The following ROCK1 variants were observed in gnomAD, a reference collection of about 807,000 sequenced individuals.
ROCK1 encodes the protein Rho associated coiled-coil containing protein kinase 1, also known as rho-associated protein kinase 1.
ROCK1 carries 36 observed loss-of-function variants against 196.8 expected under a neutral mutation model. That is an observed-to-expected ratio of 0.18 (90% confidence interval 0.14 to 0.24). The LOEUF (loss-of-function observed/expected upper bound fraction) is 0.24, where lower values mean the gene tolerates loss of function less well. Ranked by LOEUF, ROCK1 falls within the 10% of genes least tolerant of loss-of-function variation. ROCK1 has a pLI of 1.00. For missense variants in ROCK1, 920 were observed against 1,562.0 expected (o/e 0.59, Z 6.93); for synonymous variants, 443 against 515.9 (o/e 0.86, Z 1.91).
At chr18:20,974,033 G>A (rs2035455855) in intron 22 of ROCK1, among the ~76,000 whole-genome samples, 1 of 152,016 alleles carries the variant, frequency 6.6e-6, no homozygotes, top group African/African-American at 2.4e-5. Context: ...GCCTCCCAAA[G>A]TGCTGGGATT....
At chr18:21,079,697 C>A (rs2036466475) in intron 1 of ROCK1, among the ~76,000 whole-genome samples, 1 of 152,126 alleles carries the variant, frequency 6.6e-6, no homozygotes, top group African/African-American at 2.4e-5. Flanking sequence ...GGAACTACTC[C>A]CTGTGGGTTT....
chr18:20,972,967 C>T (rs1266479277), intron 22 of ROCK1, among the ~76,000 whole-genome samples: 1 of 152,174 alleles, frequency 6.6e-6, no homozygotes, highest in African/African-American at 2.4e-5. Context: ...GCAAACTCCG[C>T]CTCCTGGGTT....
Position 20,958,973 on chromosome 18 carries a change from A to T in ROCK1, c.3512+867T>A, listed in dbSNP as rs1178623027. Reference sequence around the variant, plus strand: ...ATATATATTTTATATAATATATATAATATATATATTTTATAAAAAATAATA... The same window carrying T: ...ATATATATTTTATATAATATATATATTATATATATTTTATAAAAAATAATA... On this transcript the variant is annotated intron_variant, in intron 29 of 32. Coordinates refer to ENST00000399799, the MANE Select transcript of ROCK1 (RefSeq NM_005406.3). Among the ~76,000 whole-genome samples the T allele has an allele frequency of 2.0e-4, 18 of 89,554 alleles. No individual in the cohort carries two copies. The East Asian group carries it at 4.0e-3, about 20-fold the overall frequency. The allele number at this position is 89,554 out of a possible 152,430, so 58.8% of individuals were successfully genotyped here.
chr18:20,979,756 CA>C (rs2035513669), intron 22 of ROCK1, among the ~76,000 whole-genome samples, 153 bp downstream of exon 22: 1 of 152,126 alleles, frequency 6.6e-6, no homozygotes, highest in African/African-American at 2.4e-5. Context: ...ACCATAAAGG[CA>C]AATTTCAGCC....
At chr18:20,962,963 G>C (rs1174146553) in intron 27 of ROCK1, among the ~76,000 whole-genome samples, 1 of 151,772 alleles carries the variant, frequency 6.6e-6, no homozygotes, top group Non-Finnish European at 1.5e-5. Flanking sequence ...AATATATAAA[G>C]ACCTCCTCTA....
At position 21,111,320 on chromosome 18, in the gene ROCK1, G is replaced by A. The variant is rs2036750078; in HGVS notation, c.-410C>T. 2.2e-6 allele frequency: 1 copy of A among 454,366 alleles called. No homozygotes were observed. The highest frequency in any genetic ancestry group is 5.6e-5 in the South Asian group (1 of 17,944). The allele number at this position is 454,366 out of a possible 1,614,324, so 28.1% of individuals were successfully genotyped here. On this transcript the variant is annotated 5_prime_UTR_variant, in exon 1 of 33. Transcript: ENST00000399799. The surrounding 1 kb of genome is among the most constrained non-coding windows in gnomAD (Gnocchi z 4.2). ...GTGGAGACTCCCTCCGGGCAACAAGGGAGGGAGAAGAGGAAAGGCGAAAGC... is the reference window on the plus strand; with the variant it reads ...GTGGAGACTCCCTCCGGGCAACAAGAGAGGGAGAAGAGGAAAGGCGAAAGC...
At chr18:20,960,071 G>A in intron 28 of ROCK1, 65 bp downstream of exon 28, 3 of 1,209,692 alleles carry the variant, frequency 2.5e-6, no homozygotes, top group Non-Finnish European at 3.7e-6. Flanking sequence ...GCTAATATAA[G>A]TTCTATGCTC....
At chr18:20,975,595 A>G (rs1215918883) in intron 22 of ROCK1, among the ~76,000 whole-genome samples, 2 of 151,754 alleles carry the variant, frequency 1.3e-5, no homozygotes, top group African/African-American at 2.4e-5. Context: ...CACTTTTTAA[A>G]ATTTAATTTA....
Position 21,042,544 on chromosome 18 carries a change from CAT to C in ROCK1, c.820+19_820+20del. Reference sequence around the variant, plus strand: ...GAGATGAACAACTGTAATAGAGAGACATAAAATCTTCCTTACTCACCTACAAG... The same window carrying C: ...GAGATGAACAACTGTAATAGAGAGACAAAATCTTCCTTACTCACCTACAAG... On this transcript the variant is annotated intron_variant, in intron 7 of 32. Coordinates refer to ENST00000399799, the MANE Select transcript of ROCK1 (RefSeq NM_005406.3). 1 of 1,611,308 alleles carries C rather than the reference CAT, an allele frequency of 6.2e-7. No homozygotes were observed. Among genetic ancestry groups the C allele is most frequent in the African/African-American group, 1.3e-5 (1 of 74,894 alleles).
rs780998614 is a variant in ROCK1 at position 20,984,314 on chromosome 18, AAAAG to A, written c.2489+33_2489+36del. The A allele has an allele frequency of 7.3e-5, 109 of 1,495,512 alleles. No homozygotes were observed. The South Asian group carries it at 1.1e-3, about 15-fold the overall frequency. 92.6% of individuals were successfully genotyped at this position (1,495,512 alleles called of 1,614,324 possible). A position where few individuals can be genotyped will look rare whatever the true frequency, so the allele number is the denominator to read the frequency against. ...ACACACAAGTCAATGATGAACACAA[AAAAG>A]AAAGAAATCACAATGTTATTTTAAA... On this transcript the variant is annotated intron_variant, in intron 20 of 32. Transcript: ENST00000399799.
intron 16 of ROCK1, among the ~76,000 whole-genome samples, chr18:20,998,859 T>G (rs898870111): frequency 7.9e-5 from 12 of 152,108 alleles, no homozygotes; most frequent in Admixed American, 6.6e-4. Flanking sequence ...TCCGCCCACC[T>G]TGGCCTCTCA....
At chr18:21,077,994 A>C (rs1217530539) in intron 1 of ROCK1, among the ~76,000 whole-genome samples, 1 of 152,190 alleles carries the variant, frequency 6.6e-6, no homozygotes, top group Non-Finnish European at 1.5e-5. Context: ...AAGTCTCAAA[A>C]CAAATGGACT....
chr18:21,037,004 T>C (rs1357213090), intron 9 of ROCK1, among the ~76,000 whole-genome samples: 1 of 152,194 alleles, frequency 6.6e-6, no homozygotes, highest in Non-Finnish European at 1.5e-5. Context: ...TAACGATCTT[T>C]AAATCGTACA....
intron 1 of ROCK1, among the ~76,000 whole-genome samples, chr18:21,081,864 GTAA>G (rs2036485275): frequency 6.6e-6 from 1 of 152,194 alleles, no homozygotes; most frequent in African/African-American, 2.4e-5. Flanking sequence ...GACAGAAATG[GTAA>G]TAATAAACCT....
intron 18 of ROCK1, among the ~76,000 whole-genome samples, chr18:20,990,519 C>T (rs1598519769): frequency 2.0e-5 from 3 of 151,224 alleles, no homozygotes; most frequent in South Asian, 2.1e-4. Flanking sequence ...CATAGTGAAA[C>T]GCTGTCTCTA....
intron 19 of ROCK1, among the ~76,000 whole-genome samples, chr18:20,985,180 C>G (rs2035567539): frequency 6.6e-6 from 1 of 152,022 alleles, no homozygotes; most frequent in South Asian, 2.1e-4. Context: ...CTCTACAACC[C>G]TTCAAAGCTT....
intron 1 of ROCK1, among the ~76,000 whole-genome samples, chr18:21,077,570 TAC>T (rs1477484087): frequency 1.3e-5 from 2 of 151,176 alleles, no homozygotes; most frequent in Admixed American, 6.6e-5. Context: ...ACACAACACA[TAC>T]AATAGACCAT....
intron 9 of ROCK1, among the ~76,000 whole-genome samples, chr18:21,032,654 G>A (rs1243970445): frequency 1.3e-5 from 2 of 150,988 alleles, no homozygotes; most frequent in African/African-American, 4.9e-5. Flanking sequence ...GATGTAGCTG[G>A]GACTATAGGA....
chr18:20,968,762 G>C lies in ROCK1; in HGVS notation c.3003+10C>G. The stretch of plus-strand genomic sequence containing the variant: ...AATGAACATGTGGAAAAGATCGAAA[G>C]CATGTATACCTGTGTTTTAAGGGTT... On this transcript the variant is annotated intron_variant, in intron 25 of 32. Coordinates refer to ENST00000399799, the MANE Select transcript of ROCK1 (RefSeq NM_005406.3). 1 of 1,512,008 alleles carries C rather than the reference G, an allele frequency of 6.6e-7. No homozygotes were observed. The highest frequency in any genetic ancestry group is 2.3e-5 in the East Asian group (1 of 44,288). 93.7% of individuals were successfully genotyped at this position (1,512,008 alleles called of 1,614,324 possible).
Sources: gnomAD v4.1 joint callset for allele counts (sites outside exome capture counted in the v4.1 genomes callset) on GRCh38, gnomAD v4.1.1 for gene constraint, Gnocchi (gnomAD v3.1) non-coding constraint, MANE v1.5 for transcripts, NCBI Gene and HGNC (gene_info 2026-07-23, HGNC 2026-07-21) for gene names.